USP13: variants seen among roughly 807,000 people sequenced by gnomAD.
The protein encoded by USP13 is ubiquitin specific peptidase 13.
In USP13, 68 loss-of-function variants were observed where a neutral mutation model predicts 107.8. That is an observed-to-expected ratio of 0.63 (90% CI 0.52 to 0.77). The LOEUF (loss-of-function observed/expected upper bound fraction) is 0.77. USP13 is among the 30% of genes least tolerant of loss of function. The pLI, the probability that USP13 is intolerant of heterozygous loss-of-function variation, is 0.00. For synonymous variants in USP13, 377 were observed against 389.5 expected (o/e 0.97, Z 0.38); for missense variants, 945 against 1,093.3 (o/e 0.86, Z 1.91).
At chr3:179,762,732 G>A (rs1715049298) in intron 17 of USP13, among the ~76,000 whole-genome samples, 1 of 152,024 alleles carries the variant, frequency 6.6e-6, no homozygotes, top group African/African-American at 2.4e-5. Context: ...GTTTTTGTGT[G>A]GATGGACATT....
rs1405100385 is a variant in USP13 at position 179,781,892 on chromosome 3, C to T, written c.2498+69C>T. On this transcript the variant is annotated intron_variant, in intron 20 of 20. Transcript: ENST00000263966. The stretch of plus-strand genomic sequence containing the variant: ...GTACCTACTATATGCCAGGCACTCT[C>T]CTAGGTACATTGTATGTTATCTTAT... 2.3e-6 allele frequency: 3 copies of T among 1,308,838 alleles called. No individual in the cohort carries two copies. In the African/African-American group the frequency reaches 4.4e-5, roughly 19 times the overall value. The allele number at this position is 1,308,838 out of a possible 1,614,324, so 81.1% of individuals were successfully genotyped here. A position where few individuals can be genotyped will look rare whatever the true frequency, so the allele number is the denominator to read the frequency against.
intron 7 of USP13, among the ~76,000 whole-genome samples, chr3:179,720,995 G>A (rs1412873189): frequency 6.6e-6 from 1 of 152,074 alleles, no homozygotes; most frequent in Non-Finnish European, 1.5e-5. Context: ...TTTTAGTAGA[G>A]ACGGGGTTTT....
intron 15 of USP13, among the ~76,000 whole-genome samples, chr3:179,756,768 GT>G (rs910220535): frequency 6.6e-6 from 1 of 151,808 alleles, no homozygotes; most frequent in East Asian, 1.9e-4. Flanking sequence ...CCAAAAAAAA[GT>G]TTTTTTTAAA....
At chr3:179,748,938 G>A (rs563110293) in intron 13 of USP13, among the ~76,000 whole-genome samples, 3 of 152,328 alleles carry the variant, frequency 2.0e-5, no homozygotes, top group African/African-American at 7.2e-5. Flanking sequence ...TAAGGATTAA[G>A]TGAGATAAGC....
chr3:179,774,345 C>T (rs1432320333), intron 19 of USP13, among the ~76,000 whole-genome samples: 1 of 152,122 alleles, frequency 6.6e-6, no homozygotes, highest in Non-Finnish European at 1.5e-5. Context: ...AGCCGCGGAC[C>T]CTCCCTGTGA....
chr3:179,779,394 C>G (rs1381690987), intron 19 of USP13, among the ~76,000 whole-genome samples: 1 of 151,952 alleles, frequency 6.6e-6, no homozygotes, highest in Non-Finnish European at 1.5e-5. Flanking sequence ...ATTAGCCAGG[C>G]ATGGTGGCAC....
At position 179,689,459 on chromosome 3, in the gene USP13, C is replaced by G. The variant is rs1276915324; in HGVS notation, c.295-782C>G. Among the ~76,000 whole-genome samples, 4 of 151,928 alleles carry G rather than the reference C, an allele frequency of 2.6e-5. No homozygotes were observed. In the East Asian group the frequency reaches 7.8e-4, roughly 29 times the overall value. ...AGATCACGAGGTCAGGAGTTCAAGA[C>G]CAGCCTGACCAACACAGTGAAACCC... is the stretch of plus-strand genomic sequence containing the variant. On this transcript the variant is annotated intron_variant, in intron 2 of 20. Coordinates refer to ENST00000263966, the MANE Select transcript of USP13 (RefSeq NM_003940.3).
At chr3:179,669,840 C>T (rs536782982) in intron 1 of USP13, among the ~76,000 whole-genome samples, 64 of 151,528 alleles carry the variant, frequency 4.2e-4, no homozygotes, top group African/African-American at 1.5e-3. Context: ...TGACCCCCCC[C>T]TCCATAATTC....
chr3:179,676,413 T>C (rs1169332247), intron 1 of USP13, among the ~76,000 whole-genome samples: 2 of 152,184 alleles, frequency 1.3e-5, no homozygotes, highest in African/African-American at 4.8e-5. Flanking sequence ...TGGGTGGTGA[T>C]CTTAGTGAGA....
intron 20 of USP13, among the ~76,000 whole-genome samples, 174 bp from the exon 21 acceptor site, chr3:179,783,874 A>AG (rs1715830319): frequency 6.6e-6 from 1 of 152,068 alleles, no homozygotes; most frequent in Non-Finnish European, 1.5e-5. Context: ...AAAAAAAAAA[A>AG]AAAGCAGTTG....
chr3:179,745,194 A>G lies in USP13; in HGVS notation c.1686A>G (p.Leu562=). Residue 562 remains leucine (L), a synonymous_variant, in exon 13 of 21, where the codon CTA becomes CTG. Transcript: ENST00000263966. ...TTGATGATTTCTGGAGCAGTGCCCT[A>G]CAAGCAAAGTCTGCGGGTGTGAAGT... ...ENVDDFWSSA[L]QAKSAGVKTS... is the part of the protein sequence containing the mutation. 2 of 1,613,490 alleles carry G rather than the reference A, an allele frequency of 1.2e-6. No homozygotes were observed. The highest frequency in any genetic ancestry group is 1.7e-6 in the Non-Finnish European group (2 of 1,179,846).
In USP13 at chr3:179,788,162, G is replaced by A. The variant is rs1171618992; in HGVS notation, c.*4021G>A. On this transcript the variant is annotated 3_prime_UTR_variant, in exon 21 of 21. Transcript: ENST00000263966. ...ACAGAAAGGCCGTCCTTGTCATCTT[G>A]TAGGCATCACTGCTGCTAAATCACA... 3 of 152,252 alleles carry A rather than the reference G, an allele frequency of 2.0e-5. No homozygotes were observed. Among genetic ancestry groups the A allele is most frequent in the Admixed American group, 6.5e-5 (1 of 15,286 alleles). 9.4% of individuals were successfully genotyped at this position (152,252 alleles called of 1,614,324 possible).
At chr3:179,749,549 T>C (rs1714523811) in intron 13 of USP13, among the ~76,000 whole-genome samples, 1 of 152,178 alleles carries the variant, frequency 6.6e-6, no homozygotes, top group Non-Finnish European at 1.5e-5. Context: ...GCATAACTTT[T>C]GAGATTGATT....
At chr3:179,707,991 A>C in intron 5 of USP13, among the ~76,000 whole-genome samples, 1 of 152,248 alleles carries the variant, frequency 6.6e-6, no homozygotes, top group Admixed American at 6.5e-5. Context: ...TTTAGCATTT[A>C]GTCAAGTTGG....
chr3:179,775,365 C>T (rs1448952644), intron 19 of USP13, among the ~76,000 whole-genome samples: 1 of 152,208 alleles, frequency 6.6e-6, no homozygotes, highest in Non-Finnish European at 1.5e-5. Flanking sequence ...CCAAGCTAGA[C>T]ACAGAGTGCT....
chr3:179,674,394 A>G (rs1340068959), intron 1 of USP13, among the ~76,000 whole-genome samples: 1 of 152,232 alleles, frequency 6.6e-6, no homozygotes, highest in East Asian at 1.9e-4. Context: ...AAAACAACAC[A>G]AAACAAAAAA....
chr3:179,682,051 CGTT>C, intron 2 of USP13, 48 bp downstream of exon 2: 1 of 1,567,818 alleles, frequency 6.4e-7, no homozygotes, highest in Non-Finnish European at 8.7e-7. Context: ...TTCCCTGTAA[CGTT>C]GTCTCAGTGT....
intron 16 of USP13, among the ~76,000 whole-genome samples, chr3:179,758,366 G>A (rs544564884): frequency 1.3e-5 from 2 of 152,274 alleles, no homozygotes; most frequent in African/African-American, 4.8e-5. Flanking sequence ...CTGACGGTGA[G>A]AGCATGCAGC....
intron 10 of USP13, among the ~76,000 whole-genome samples, chr3:179,737,423 G>A (rs1376349217): frequency 1.3e-5 from 2 of 152,188 alleles, no homozygotes; most frequent in African/African-American, 2.4e-5. Context: ...ATAGCTCTCA[G>A]TAAATATCTG....
Sources: gnomAD v4.1 joint callset for allele counts (sites outside exome capture counted in the v4.1 genomes callset) on GRCh38, gnomAD v4.1.1 for gene constraint, MANE v1.5 for transcripts, NCBI Gene and HGNC (gene_info 2026-07-23, HGNC 2026-07-21) for gene names.